MTX2: variants seen among roughly 807,000 people sequenced by gnomAD.
MTX2 encodes metaxin 2, also known as metaxin-2.
MTX2 carries 35 observed loss-of-function variants against 42.3 expected under a neutral mutation model. The ratio of observed to expected loss-of-function variants is 0.83; its 90% CI spans 0.63 to 1.10. The LOEUF is 1.10. Among genes scored for constraint, MTX2 ranks in the 50% least tolerant of loss-of-function variants. MTX2 has a pLI of 0.00. For synonymous variants in MTX2, 119 were observed against 100.9 expected (o/e 1.18, Z -1.08); for missense variants, 307 against 304.1 (o/e 1.01, Z -0.07).
chr2:176,330,570 A>G lies in MTX2; in HGVS notation c.544-14A>G. 6.6e-7 allele frequency: 1 copy of G among 1,525,436 alleles called. No homozygotes were observed. Among genetic ancestry groups the G allele is most frequent in the Non-Finnish European group, 8.8e-7 (1 of 1,130,328 alleles). The allele number at this position is 1,525,436 out of a possible 1,614,324, so 94.5% of individuals were successfully genotyped here. On this transcript the variant is annotated splice_polypyrimidine_tract_variant and intron_variant, in intron 8 of 9. Transcript: ENST00000249442. ...ATTGAAATACTTTTCCTTGGGGTTCATTGCCTGTGTTAGGTCTTAGAGGAT... is the reference window on the plus strand; with the variant it reads ...ATTGAAATACTTTTCCTTGGGGTTCGTTGCCTGTGTTAGGTCTTAGAGGAT...
intron 3 of MTX2, among the ~76,000 whole-genome samples, chr2:176,306,672 AT>A (rs1400739535): frequency 1.3e-5 from 2 of 151,892 alleles, no homozygotes; most frequent in African/African-American, 2.4e-5. Context: ...GATGATGAGT[AT>A]TTTTTTCACG....
chr2:176,269,518 CTGAACGTT>C lies in MTX2; in HGVS notation c.-111_-104del. The C allele has an allele frequency of 1.6e-6, 2 of 1,238,120 alleles. No homozygotes were observed. Among genetic ancestry groups the C allele is most frequent in the South Asian group, 3.0e-5 (2 of 66,906 alleles). The allele number at this position is 1,238,120 out of a possible 1,614,324, so 76.7% of individuals were successfully genotyped here. ...TGCTGTTGGAGTGGGCTTTGCGAGT[CTGAACGTT>C]GGCGGGGCTAGGCTCGTTAACTGCC... On this transcript the variant is annotated 5_prime_UTR_variant, in exon 1 of 10. Coordinates refer to ENST00000249442, the MANE Select transcript of MTX2 (RefSeq NM_006554.5).
At chr2:176,320,978 T>A (rs183378210) in intron 3 of MTX2, among the ~76,000 whole-genome samples, 1 of 152,282 alleles carries the variant, frequency 6.6e-6, no homozygotes, top group East Asian at 1.9e-4. Context: ...AGATTACAGG[T>A]GTGAGCCACT....
chr2:176,332,592 C>G (rs1298219498), intron 9 of MTX2, among the ~76,000 whole-genome samples: 1 of 151,166 alleles, frequency 6.6e-6, no homozygotes, highest in Non-Finnish European at 1.5e-5. Context: ...AACCAAATAC[C>G]GTTACTTGAT....
chr2:176,301,170 T>C (rs1307832273), intron 3 of MTX2, among the ~76,000 whole-genome samples: 3 of 152,190 alleles, frequency 2.0e-5, no homozygotes, highest in African/African-American at 7.2e-5. Flanking sequence ...CAGTATTTAT[T>C]GAATACTTTT....
intron 1 of MTX2, among the ~76,000 whole-genome samples, chr2:176,294,459 T>G (rs1683795735): frequency 6.6e-6 from 1 of 152,042 alleles, no homozygotes; most frequent in Admixed American, 6.6e-5. Flanking sequence ...AATTTTTGTA[T>G]TTTTAGTGGA....
chr2:176,295,243 A>G (rs1575041460), intron 1 of MTX2, among the ~76,000 whole-genome samples: 1 of 152,146 alleles, frequency 6.6e-6, no homozygotes, highest in Non-Finnish European at 1.5e-5. Flanking sequence ...TAATGCATAT[A>G]ATTGAATCTT....
At chr2:176,298,923 T>G (rs1223492734) in intron 3 of MTX2, among the ~76,000 whole-genome samples, 1 of 152,220 alleles carries the variant, frequency 6.6e-6, no homozygotes, top group Non-Finnish European at 1.5e-5. Context: ...GCCAGGCTAT[T>G]CTGCATGTGG....
intron 3 of MTX2, among the ~76,000 whole-genome samples, chr2:176,306,135 A>C (rs997382282): frequency 6.6e-6 from 1 of 151,968 alleles, no homozygotes; most frequent in Admixed American, 6.6e-5. Context: ...TCATTGTTCA[A>C]TTCCCATCTA....
At chr2:176,324,316 G>A (rs1684659210) in intron 4 of MTX2, among the ~76,000 whole-genome samples, 1 of 151,440 alleles carries the variant, frequency 6.6e-6, no homozygotes, top group Admixed American at 6.6e-5. Flanking sequence ...AAGGGTGGTA[G>A]AAATTGTTAA....
At chr2:176,300,470 T>C (rs1683996105) in intron 3 of MTX2, among the ~76,000 whole-genome samples, 1 of 152,160 alleles carries the variant, frequency 6.6e-6, no homozygotes, top group African/African-American at 2.4e-5. Context: ...GTTCAAAATC[T>C]GATGTGTATT....
chr2:176,297,004 A>C, intron 2 of MTX2, 97 bp downstream of exon 2: 1 of 1,299,200 alleles, frequency 7.7e-7, no homozygotes, highest in South Asian at 1.2e-5. Context: ...AGAATATAAA[A>C]TGTAAAGAAG....
Position 176,326,847 on chromosome 2 carries a change from G to T in MTX2, c.231G>T (p.Val77=). The T allele has an allele frequency of 1.3e-6, 2 of 1,569,180 alleles. No homozygotes were observed. The highest frequency in any genetic ancestry group is 2.4e-5 in the South Asian group (2 of 84,624). The change falls in exon 5 of 10, where the codon GTG becomes GTT. Residue 77 remains valine (V), a synonymous_variant. Transcript: ENST00000249442. ...SPSGKVPFIH[V]GNQVVSELGP... ...CAGGTAAAGTACCTTTTATTCATGT[G>T]GGAAATCAAGTAGTATCAGAACTTG... is the stretch of plus-strand genomic sequence containing the variant.
intron 3 of MTX2, among the ~76,000 whole-genome samples, chr2:176,316,365 G>A (rs557537244): frequency 5.1e-4 from 78 of 152,162 alleles, no homozygotes; most frequent in African/African-American, 1.7e-3. Flanking sequence ...CAGTTGAGAA[G>A]CAACCTTGCT....
intron 1 of MTX2, among the ~76,000 whole-genome samples, chr2:176,293,097 A>G (rs957985692): frequency 2.0e-5 from 3 of 152,208 alleles, no homozygotes; most frequent in African/African-American, 7.2e-5. Context: ...CCTAAAAGTC[A>G]CATTTGTTAT....
intron 4 of MTX2, 113 bp from the exon 5 acceptor site, chr2:176,326,712 T>G (rs1394920142): frequency 2.0e-5 from 14 of 684,410 alleles, no homozygotes; most frequent in Non-Finnish European, 3.2e-5. Context: ...AAGTTACAGT[T>G]TTATGAAATC....
intron 1 of MTX2, among the ~76,000 whole-genome samples, chr2:176,285,243 C>A (rs1399307208): frequency 1.3e-5 from 2 of 151,960 alleles, no homozygotes; most frequent in Non-Finnish European, 1.5e-5. Context: ...TAGTGTCTAC[C>A]TCATAAAGTT....
In MTX2 at chr2:176,337,554, A is replaced by C; in HGVS notation, c.682A>C (p.Thr228Pro). ...HLYTILTTQL[T>P]NDELSEKVKN... ...ATACACCATTCTTACCACACAATTG[A>C]CAAATGATGAACTTTCTGAGAAGGT... The change falls in exon 10 of 10, where the codon ACA becomes CCA. Residue 228 changes from threonine to proline, a missense_variant. Transcript: ENST00000249442. The C allele has an allele frequency of 6.2e-7, 1 of 1,613,370 alleles. No individual in the cohort carries two copies. The highest frequency in any genetic ancestry group is 1.7e-4 in the Middle Eastern group (1 of 6,058).
intron 3 of MTX2, among the ~76,000 whole-genome samples, chr2:176,305,106 GTA>G (rs1414157248): frequency 6.6e-6 from 1 of 151,998 alleles, no homozygotes; most frequent in East Asian, 1.9e-4. Context: ...AGTGTGCTGT[GTA>G]TCTAACTTGA....
Sources: allele counts gnomAD v4.1 joint callset (sites outside exome capture counted in the v4.1 genomes callset), GRCh38; gene constraint gnomAD v4.1.1; transcripts MANE v1.5; gene names NCBI Gene and HGNC (gene_info 2026-07-23, HGNC 2026-07-21).